Variants in AZIN2 observed in about 807,000 individuals in gnomAD.
AZIN2 encodes the protein antizyme inhibitor 2, also known as ODC antizyme inhibitor-2.
AZIN2 carries 28 observed loss-of-function variants against 47.8 expected under a neutral mutation model. The ratio of observed to expected loss-of-function variants is 0.59; its 90% CI spans 0.43 to 0.80. The LOEUF is 0.80. Ranked by LOEUF, AZIN2 falls within the 30% of genes least tolerant of loss-of-function variation. The pLI is 0.00. For missense variants in AZIN2, 535 were observed against 582.5 expected (o/e 0.92, Z 0.84); for synonymous variants, 221 against 239.4 (o/e 0.92, Z 0.71).
chr1:33,154,666 C>T, the AZIN2 span, among the ~76,000 whole-genome samples: 14 of 151,192 alleles, frequency 9.3e-5, no homozygotes, highest in Admixed American at 5.3e-4. Flanking sequence ...GGTGCAGTGG[C>T]GTGTGCCTGT....
In AZIN2 at chr1:33,096,769, C is replaced by T. The variant is rs376103975; in HGVS notation, c.816C>T (p.Ile272=). Residue 272 remains isoleucine, a synonymous_variant, in exon 9 of 12, where the codon ATC becomes ATT. Transcript: ENST00000294517. ...TCCCAGAGGGCTGTGGCGTGGACAT[C>T]TTTGCTGAGCTGGGGCGCTACTACG... is the stretch of plus-strand genomic sequence containing the variant. ...LYFPEGCGVD[I]FAELGRYYVT... 5.0e-6 allele frequency: 8 copies of T among 1,614,122 alleles called. No individual in the cohort carries two copies.
the AZIN2 span, among the ~76,000 whole-genome samples, chr1:33,154,131 A>G: frequency 4.0e-5 from 6 of 151,846 alleles, no homozygotes; most frequent in Admixed American, 6.6e-5. Context: ...GGGAGAATAC[A>G]AAACATGTAG....
At chr1:33,095,133 C>T (rs1018447900) in intron 8 of AZIN2, among the ~76,000 whole-genome samples, 1 of 152,178 alleles carries the variant, frequency 6.6e-6, no homozygotes, top group African/African-American at 2.4e-5. Flanking sequence ...TTTTCCTTAC[C>T]CACTGTGAGG....
chr1:33,131,325 C>T, the AZIN2 span, among the ~76,000 whole-genome samples: 29 of 152,346 alleles, frequency 1.9e-4, 1 homozygote, highest in South Asian at 6.0e-3. Flanking sequence ...TGCCTTCATA[C>T]TGTTCATAAC....
chr1:33,155,817 GGGGGATCT>G, the AZIN2 span, among the ~76,000 whole-genome samples: 2 of 152,054 alleles, frequency 1.3e-5, no homozygotes, highest in Non-Finnish European at 2.9e-5. Context: ...CTGCCCTTGG[GGGGGATCT>G]GTGATTTTGG....
chr1:33,141,836 TA>T, the AZIN2 span: 101 of 166,056 alleles, frequency 6.1e-4, no homozygotes, highest in East Asian at 1.3e-3. Context: ...TCCTGGAACT[TA>T]AAAAAAAATA....
chr1:33,147,471 G>C, the AZIN2 span: 36 of 1,613,854 alleles, frequency 2.2e-5, 1 homozygote, highest in Non-Finnish European at 3.0e-5. The surrounding 1 kb of genome is among the most constrained non-coding windows in gnomAD (Gnocchi z 8.1). Flanking sequence ...GCTGGATCTG[G>C]ATGCTGCCCT....
At chr1:33,100,579 G>GTGTC (rs1433030109) in intron 10 of AZIN2, among the ~76,000 whole-genome samples, 2 of 152,062 alleles carry the variant, frequency 1.3e-5, no homozygotes, top group African/African-American at 4.8e-5. Context: ...GTGTGTGTGT[G>GTGTC]TGTGTGTGTG....
the AZIN2 span, chr1:33,165,044 G>C: frequency 6.5e-6 from 1 of 153,428 alleles, no homozygotes; most frequent in Middle Eastern, 3.3e-3. The surrounding 1 kb of genome is among the most constrained non-coding windows in gnomAD (Gnocchi z 4.0). Flanking sequence ...ATCTTGCCTC[G>C]GCCTCTGAAG....
At chr1:33,123,995 CA>C (rs570562912), downstream of AZIN2, among the ~76,000 whole-genome samples, 16 of 146,002 alleles carry the variant, frequency 1.1e-4, no homozygotes, top group South Asian at 2.2e-4. Flanking sequence ...GACTCCATCT[CA>C]AAAAAAAAAG....
chr1:33,166,763 T>A, the AZIN2 span, among the ~76,000 whole-genome samples: 1 of 152,250 alleles, frequency 6.6e-6, no homozygotes, highest in South Asian at 2.1e-4. Flanking sequence ...ACACAAGATA[T>A]CAAAATTTTA....
chr1:33,092,187 G>C lies in AZIN2; in HGVS notation c.417G>C (p.Glu139Asp). ...IQLLSFDNEMELAKVVKSHPS... is the reference protein window; with the variant it reads ...IQLLSFDNEMDLAKVVKSHPS... ...TGCTGAGCTTTGACAATGAGATGGA[G>C]CTGGCAAAGGTGGTAAAGAGCCACC... The change falls in exon 6 of 12, where the codon GAG becomes GAC. Residue 139 changes from glutamate (E) to aspartate (D), a missense_variant. This residue lies in a region of AZIN2 where 409 missense variants were observed against 429.0 expected (regional missense o/e 0.95). Transcript: ENST00000294517. The C allele has an allele frequency of 2.5e-6, 4 of 1,614,184 alleles. No homozygotes were observed. Among genetic ancestry groups the C allele is most frequent in the Non-Finnish European group, 3.4e-6 (4 of 1,180,032 alleles).
intron 9 of AZIN2, among the ~76,000 whole-genome samples, chr1:33,097,571 G>A (rs890693155): frequency 4.6e-5 from 7 of 152,206 alleles, no homozygotes; most frequent in South Asian, 2.1e-4. Flanking sequence ...AGGACTGTGC[G>A]CTTTTCCCCA....
At chr1:33,115,529 T>C (rs1423036745) in intron 10 of AZIN2, among the ~76,000 whole-genome samples, 3 of 151,682 alleles carry the variant, frequency 2.0e-5, no homozygotes, top group Non-Finnish European at 4.4e-5. Flanking sequence ...CATGGCAAAA[T>C]CCTGTATCTA....
At chr1:33,101,650 C>A (rs1274098628) in intron 10 of AZIN2, among the ~76,000 whole-genome samples, 1 of 152,140 alleles carries the variant, frequency 6.6e-6, no homozygotes, top group Non-Finnish European at 1.5e-5. Flanking sequence ...GCCTTCCATG[C>A]AAAGTCGTCA....
chr1:33,165,104 A>G, the AZIN2 span: 2 of 174,548 alleles, frequency 1.1e-5, no homozygotes, highest in African/African-American at 4.7e-5. The surrounding 1 kb of genome is among the most constrained non-coding windows in gnomAD (Gnocchi z 4.0). Flanking sequence ...GGCGGTTTTA[A>G]TAAGGGGAGA....
the AZIN2 span, among the ~76,000 whole-genome samples, chr1:33,132,651 C>G: frequency 6.6e-6 from 1 of 152,232 alleles, no homozygotes; most frequent in African/African-American, 2.4e-5. Flanking sequence ...ACATGCACTT[C>G]TCATACTCTG....
chr1:33,131,549 G>A, the AZIN2 span, among the ~76,000 whole-genome samples: 1 of 152,072 alleles, frequency 6.6e-6, no homozygotes, highest in Non-Finnish European at 1.5e-5. Context: ...GATTGTAAAC[G>A]ATTTCAATAA....
Position 33,121,679 on chromosome 1 carries a change from G to A in AZIN2, c.*1497G>A, listed in dbSNP as rs910940273. ...GAAAGAAATCCCATACCCATTAGCA[G>A]TCACTCTCCATTTTTCCCATTCCCC... On this transcript the variant is annotated 3_prime_UTR_variant, in exon 12 of 12. Coordinates refer to ENST00000294517, the MANE Select transcript of AZIN2 (RefSeq NM_052998.4). Among the ~76,000 whole-genome samples the A allele has an allele frequency of 2.0e-5, 3 of 152,208 alleles. No individual in the cohort carries two copies. Among genetic ancestry groups the A allele is most frequent in the Non-Finnish European group, 4.4e-5 (3 of 68,040 alleles).
Sources: gnomAD v4.1 joint callset for allele counts (sites outside exome capture counted in the v4.1 genomes callset) on GRCh38, gnomAD v4.1.1 for gene constraint, gnomAD v4.1.1 regional missense constraint, Gnocchi (gnomAD v3.1) non-coding constraint, MANE v1.5 for transcripts, NCBI Gene and HGNC (gene_info 2026-07-23, HGNC 2026-07-21) for gene names.